EAPP: variants seen among roughly 807,000 people sequenced by gnomAD.
The protein encoded by EAPP is E2F-associated phosphoprotein.
A neutral mutation model predicts 34.3 loss-of-function variants in EAPP; 38 were observed. The ratio of observed to expected loss-of-function variants is 1.11; its 90% CI spans 0.85 to 1.45. EAPP has a LOEUF of 1.45. Ranked by LOEUF, EAPP falls within the 40% of genes most tolerant of loss-of-function variation. EAPP has a pLI of 0.00. For missense variants in EAPP, 338 were observed against 343.7 expected (o/e 0.98, Z 0.13); for synonymous variants, 113 against 117.6 (o/e 0.96, Z 0.25).
At chr14:34,536,066 T>A (rs1415555590) in intron 2 of EAPP, 28 bp downstream of exon 2, 1 of 1,569,864 alleles carries the variant, frequency 6.4e-7, no homozygotes, top group East Asian at 2.3e-5. Flanking sequence ...CTTACAAAAA[T>A]ATATATAAAA....
chr14:34,517,162 T>C (rs976340225), intron 5 of EAPP, among the ~76,000 whole-genome samples: 4 of 151,874 alleles, frequency 2.6e-5, no homozygotes, highest in Admixed American at 2.0e-4. Flanking sequence ...ATGGTCTCGA[T>C]CTTCTGACCT....
chr14:34,519,322 G>T (rs571776759), intron 5 of EAPP, among the ~76,000 whole-genome samples: 1 of 152,224 alleles, frequency 6.6e-6, no homozygotes, highest in East Asian at 1.9e-4. Flanking sequence ...ATCACCTGAG[G>T]TCAGGAGTTC....
At chr14:34,534,135 CT>C (rs533056088) in intron 2 of EAPP, among the ~76,000 whole-genome samples, 263 of 141,460 alleles carry the variant, frequency 1.9e-3, no homozygotes, top group East Asian at 3.4e-3. Flanking sequence ...GTCCTACTTC[CT>C]TTTTTTTTTT....
chr14:34,536,012 TG>T, intron 2 of EAPP, 81 bp downstream of exon 2: 1 of 980,902 alleles, frequency 1.0e-6, no homozygotes, highest in Non-Finnish European at 1.5e-6. Context: ...CTGAAAGTGC[TG>T]GGAACATAGA....
In EAPP at chr14:34,529,494, G is replaced by C; in HGVS notation, c.353-19C>G. The C allele has an allele frequency of 6.6e-7, 1 of 1,517,080 alleles. No individual in the cohort carries two copies. Among genetic ancestry groups the C allele is most frequent in the Non-Finnish European group, 9.1e-7 (1 of 1,098,592 alleles). The allele number at this position is 1,517,080 out of a possible 1,614,324, so 94.0% of individuals were successfully genotyped here. ...ACCTGTACTAATTTTGAAAATATTA[G>C]GATATGGCTAAGAATCATGTGTCAA... On this transcript the variant is annotated intron_variant, in intron 3 of 5. Coordinates refer to ENST00000250454, the MANE Select transcript of EAPP (RefSeq NM_018453.4).
chr14:34,528,414 CCTTTTTTTTTTTTT>C (rs1448096596), intron 4 of EAPP, among the ~76,000 whole-genome samples: 1 of 54,152 alleles, frequency 1.8e-5, no homozygotes, highest in Admixed American at 2.8e-4. Flanking sequence ...TCCACAAAAC[CCTTTTTTTTTTTTT>C]TTTTTTTTTT....
Position 34,516,320 on chromosome 14 carries a change from CT to C in EAPP, c.847del (p.Ser283AlafsTer17). The part of the protein sequence containing the change: ...EVFHFFNVLA[S>X]HS ...TGCCAGTTGGGCTGTTTAGGAATGG[CT>C]TGCTAAAACATTGAAAAAATGAAAG... On this transcript the variant is annotated frameshift_variant, in exon 6 of 6. Coordinates refer to ENST00000250454, the MANE Select transcript of EAPP (RefSeq NM_018453.4). LOFTEE classifies it high-confidence loss of function. The C allele has an allele frequency of 6.2e-7, 1 of 1,610,384 alleles. No homozygotes were observed. Among genetic ancestry groups the C allele is most frequent in the Non-Finnish European group, 8.5e-7 (1 of 1,177,882 alleles).
chr14:34,522,216 T>A (rs1310014498), intron 5 of EAPP, among the ~76,000 whole-genome samples: 1 of 152,118 alleles, frequency 6.6e-6, no homozygotes, highest in Non-Finnish European at 1.5e-5. Flanking sequence ...CAGCTTGGCC[T>A]CCCAAAGTAG....
At chr14:34,519,796 T>A (rs1475724063) in intron 5 of EAPP, among the ~76,000 whole-genome samples, 4 of 152,060 alleles carry the variant, frequency 2.6e-5, no homozygotes, top group African/African-American at 4.8e-5. Flanking sequence ...TGCTTTTTGA[T>A]TTTGGTGAAT....
intron 4 of EAPP, among the ~76,000 whole-genome samples, chr14:34,526,795 C>A (rs1052674844): frequency 2.0e-5 from 3 of 151,506 alleles, no homozygotes; most frequent in Non-Finnish European, 4.4e-5. Flanking sequence ...TCATTTGAGC[C>A]CAGGAGTTCA....
rs775493364 is a variant in EAPP at position 34,516,537 on chromosome 14, A to T, written c.631T>A (p.Ser211Thr). 25 of 1,613,936 alleles carry T rather than the reference A, an allele frequency of 1.5e-5. No individual in the cohort carries two copies. The highest frequency in any genetic ancestry group is 2.1e-5 in the Non-Finnish European group (25 of 1,179,980). The change falls in exon 6 of 6, where the codon TCT becomes ACT. Residue 211 changes from serine to threonine, a missense_variant. Transcript: ENST00000250454. ...CTTAGAACCTCCTCTTTGTTAATAG[A>T]ACAATTCATTACAAACATTGCTCTA... The part of the protein sequence containing the change: ...QYRAMFVMNC[S>T]INKEEVLRYK...
intron 4 of EAPP, among the ~76,000 whole-genome samples, chr14:34,526,173 G>A (rs985515439): frequency 1.8e-4 from 27 of 151,126 alleles, no homozygotes; most frequent in Non-Finnish European, 3.5e-4. Flanking sequence ...GCTCACGCCT[G>A]TAATCCCAGC....
At chr14:34,532,136 A>T (rs1362383491) in intron 3 of EAPP, among the ~76,000 whole-genome samples, 1 of 151,784 alleles carries the variant, frequency 6.6e-6, no homozygotes, top group Non-Finnish European at 1.5e-5. Flanking sequence ...ATAGAGGCTG[A>T]TTAAAAATCA....
chr14:34,536,048 T>C, intron 2 of EAPP, 46 bp downstream of exon 2: 1 of 1,464,438 alleles, frequency 6.8e-7, no homozygotes, highest in Non-Finnish European at 9.4e-7. Flanking sequence ...GTTCCTGCCC[T>C]TACAGAGCTT....
chr14:34,535,979 A>G, intron 2 of EAPP, 115 bp downstream of exon 2: 1 of 693,308 alleles, frequency 1.4e-6, no homozygotes, highest in East Asian at 2.9e-5. Flanking sequence ...TCCTTCATTC[A>G]ATAAATATTT....
intron 1 of EAPP, among the ~76,000 whole-genome samples, chr14:34,537,660 G>A (rs1434357299): frequency 6.6e-6 from 1 of 152,172 alleles, no homozygotes; most frequent in African/African-American, 2.4e-5. Context: ...TGAAAGAGGT[G>A]GATTCTCCAA....
At chr14:34,525,875 C>T (rs571594611) in intron 4 of EAPP, among the ~76,000 whole-genome samples, 1 of 151,720 alleles carries the variant, frequency 6.6e-6, no homozygotes, top group South Asian at 2.1e-4. Flanking sequence ...CAAAAATTAG[C>T]TGGGCGTGGT....
At chr14:34,535,502 A>G (rs1351693056) in intron 2 of EAPP, among the ~76,000 whole-genome samples, 1 of 143,484 alleles carries the variant, frequency 7.0e-6, no homozygotes, top group Non-Finnish European at 1.5e-5. Flanking sequence ...GCGTGATCTC[A>G]GCTCACTGCA....
At chr14:34,539,188 T>C (rs1328012002) in intron 1 of EAPP, 1 of 414,086 alleles carries the variant, frequency 2.4e-6, no homozygotes, top group Admixed American at 3.4e-5. Flanking sequence ...TACTATGTTA[T>C]ATAGGTTATA....
Sources: gnomAD v4.1 joint callset for allele counts (sites outside exome capture counted in the v4.1 genomes callset) on GRCh38, gnomAD v4.1.1 for gene constraint, MANE v1.5 for transcripts, NCBI Gene and HGNC (gene_info 2026-07-23, HGNC 2026-07-21) for gene names.